The following NIM1K variants were observed in gnomAD, a reference collection of about 807,000 sequenced individuals.
The protein encoded by NIM1K is NIM1 serine/threonine protein kinase, also known as serine/threonine-protein kinase NIM1.
A neutral mutation model predicts 37.1 loss-of-function variants in NIM1K; 35 were observed. The ratio of observed to expected loss-of-function variants is 0.94; its 90% CI spans 0.72 to 1.25. NIM1K has a LOEUF of 1.25. NIM1K is among the 50% of genes most tolerant of loss of function. NIM1K has a pLI of 0.00. For missense variants in NIM1K, 564 were observed against 548.0 expected (o/e 1.03, Z -0.29); for synonymous variants, 234 against 206.6 (o/e 1.13, Z -1.14).
At chr5:43,269,657 C>T (rs1367259250) in intron 2 of NIM1K, among the ~76,000 whole-genome samples, 1 of 151,740 alleles carries the variant, frequency 6.6e-6, no homozygotes, top group African/African-American at 2.4e-5. Context: ...CTTGCTCTGT[C>T]ACCCAGGCTG....
chr5:43,244,649 T>A (rs1752750424), intron 1 of NIM1K, among the ~76,000 whole-genome samples: 1 of 152,150 alleles, frequency 6.6e-6, no homozygotes, highest in South Asian at 2.1e-4. Flanking sequence ...AAGCAACTAG[T>A]ATAGGACAAG....
intron 2 of NIM1K, among the ~76,000 whole-genome samples, chr5:43,266,422 G>A (rs1422420976): frequency 6.6e-6 from 1 of 152,232 alleles, no homozygotes; most frequent in Non-Finnish European, 1.5e-5. Context: ...CTCTGAGCCA[G>A]GTGCGGGATA....
At chr5:43,207,333 T>C in intron 1 of NIM1K, 2 of 770,804 alleles carry the variant, frequency 2.6e-6, no homozygotes, top group Non-Finnish European at 2.4e-6. Context: ...CCAAAGATGG[T>C]CACTATGGTA....
intron 2 of NIM1K, among the ~76,000 whole-genome samples, chr5:43,266,149 G>C (rs968335478): frequency 2.6e-5 from 4 of 152,202 alleles, no homozygotes; most frequent in Non-Finnish European, 5.9e-5. Flanking sequence ...CTTCAAAGCT[G>C]TCAGACAGGG....
intron 1 of NIM1K, among the ~76,000 whole-genome samples, chr5:43,199,204 AATATATAT>A (rs1162677436): frequency 5.3e-5 from 5 of 94,064 alleles, no homozygotes; most frequent in East Asian, 3.6e-4. Context: ...AAAAAAAAAA[AATATATAT>A]ATATATATAT....
intron 1 of NIM1K, among the ~76,000 whole-genome samples, chr5:43,208,594 T>C (rs990077385): frequency 4.0e-5 from 6 of 150,160 alleles, no homozygotes; most frequent in African/African-American, 1.5e-4. Flanking sequence ...AGGGCAGGAC[T>C]CTGTCTCAAA....
chr5:43,203,427 A>AAAT (rs1752062955), intron 1 of NIM1K, among the ~76,000 whole-genome samples: 1 of 152,198 alleles, frequency 6.6e-6, no homozygotes, highest in African/African-American at 2.4e-5. Flanking sequence ...AACCATGTTC[A>AAAT]AATAAGGCAA....
intron 2 of NIM1K, among the ~76,000 whole-genome samples, chr5:43,270,022 A>C (rs983588839): frequency 6.6e-6 from 1 of 152,220 alleles, no homozygotes; most frequent in Non-Finnish European, 1.5e-5. Context: ...AAGTCCTTTT[A>C]GAATTTTGTG....
chr5:43,256,106 G>A (rs1308748451), intron 2 of NIM1K, among the ~76,000 whole-genome samples: 1 of 152,132 alleles, frequency 6.6e-6, no homozygotes, highest in African/African-American at 2.4e-5. Flanking sequence ...AAGGGAACCA[G>A]GGATTTCCTG....
chr5:43,254,196 A>G (rs1264921196), intron 2 of NIM1K, among the ~76,000 whole-genome samples: 1 of 152,128 alleles, frequency 6.6e-6, no homozygotes, highest in African/African-American at 2.4e-5. Flanking sequence ...CTTGTGATCA[A>G]TGGTATGGGT....
Position 43,227,087 on chromosome 5 carries a change from G to T in NIM1K, c.-694-17995G>T, listed in dbSNP as rs116650297. The stretch of plus-strand genomic sequence containing the variant: ...TTTTAAAAGAATTGGTTCACCGGGC[G>T]CAGTGGCTCATGCCTGTAATCCCAG... On this transcript the variant is annotated intron_variant, in intron 1 of 3. Transcript: ENST00000326035. Among the ~76,000 whole-genome samples, 278 of 152,312 alleles carry T rather than the reference G, an allele frequency of 1.8e-3. 2 individuals are homozygous for T. Among genetic ancestry groups the T allele is most frequent in the African/African-American group, 6.3e-3 (261 of 41,572 alleles).
In NIM1K at chr5:43,208,370, C is replaced by T. The variant is rs1397192867; in HGVS notation, c.-695+15959C>T. ...CTGTAATCCCAACACTTTGGGAGGC[C>T]GACGCGGGCAGATCACAAGGTCAGG... On this transcript the variant is annotated intron_variant, in intron 1 of 3. Transcript: ENST00000326035. Among the ~76,000 whole-genome samples the T allele has an allele frequency of 3.3e-5, 5 of 151,966 alleles. No homozygotes were observed. In the South Asian group the frequency reaches 6.2e-4, roughly 19 times the overall value.
chr5:43,222,032 A>C (rs890690064), intron 1 of NIM1K, among the ~76,000 whole-genome samples: 1 of 152,192 alleles, frequency 6.6e-6, no homozygotes, highest in African/African-American at 2.4e-5. Context: ...TGAGAGTTTC[A>C]GTCCCTTTGC....
chr5:43,203,096 C>G (rs900248354), intron 1 of NIM1K, among the ~76,000 whole-genome samples: 2 of 152,210 alleles, frequency 1.3e-5, no homozygotes, highest in Admixed American at 1.3e-4. Context: ...CACCATCCCC[C>G]CAGCCCCACC....
intron 1 of NIM1K, among the ~76,000 whole-genome samples, chr5:43,237,039 T>A (rs1021146644): frequency 1.1e-4 from 17 of 152,350 alleles, no homozygotes; most frequent in African/African-American, 4.1e-4. Context: ...ATTTGCTAAT[T>A]ATTCTCCCTG....
intron 1 of NIM1K, among the ~76,000 whole-genome samples, chr5:43,216,372 C>T (rs1329525213): frequency 1.3e-5 from 2 of 152,106 alleles, no homozygotes; most frequent in Non-Finnish European, 2.9e-5. Context: ...GATGCGATGA[C>T]CATGAACACA....
chr5:43,202,037 G>T (rs1561071312), intron 1 of NIM1K, among the ~76,000 whole-genome samples: 1 of 151,486 alleles, frequency 6.6e-6, no homozygotes, highest in Non-Finnish European at 1.5e-5. Context: ...AGTAGATTGT[G>T]ACCTTGAGCT....
In NIM1K at chr5:43,255,118, G is replaced by A. The variant is rs116391562; in HGVS notation, c.292+9051G>A. Among the ~76,000 whole-genome samples, 1,061 of 152,222 alleles carry A rather than the reference G, an allele frequency of 7.0e-3. 6 individuals carry two copies. The highest frequency in any genetic ancestry group is 0.017 in the Middle Eastern group (5 of 294). On this transcript the variant is annotated intron_variant, in intron 2 of 3. Coordinates refer to ENST00000326035, the MANE Select transcript of NIM1K (RefSeq NM_153361.4). Reference sequence around the variant, plus strand: ...ATGGTCAGGTAAAGCATATACACTGGGCAGAAGATTCCATAGCCATGAGAA... The same window carrying A: ...ATGGTCAGGTAAAGCATATACACTGAGCAGAAGATTCCATAGCCATGAGAA...
chr5:43,249,512 G>A (rs1752836674), intron 2 of NIM1K, among the ~76,000 whole-genome samples: 2 of 152,220 alleles, frequency 1.3e-5, no homozygotes, highest in Non-Finnish European at 2.9e-5. Context: ...GTTGGTAACT[G>A]ATTGGATGTA....
Sources: gnomAD v4.1 joint callset for allele counts (sites outside exome capture counted in the v4.1 genomes callset) on GRCh38, gnomAD v4.1.1 for gene constraint, MANE v1.5 for transcripts, NCBI Gene and HGNC (gene_info 2026-07-23, HGNC 2026-07-21) for gene names.